The following SLC24A2 variants were observed in gnomAD, a reference collection of about 807,000 sequenced individuals.
The protein encoded by SLC24A2 is solute carrier family 24 member 2.
In SLC24A2, 36 loss-of-function variants were observed where a neutral mutation model predicts 62.0. The ratio of observed to expected loss-of-function variants is 0.58; its 90% CI spans 0.44 to 0.77. SLC24A2 has a LOEUF of 0.77. Among genes scored for constraint, SLC24A2 ranks in the 30% least tolerant of loss-of-function variants. The probability of loss-of-function intolerance (pLI) is 0.00; values close to 1 mark genes in which losing one functional copy is unlikely to be tolerated. For missense variants in SLC24A2, 846 were observed against 817.9 expected, an observed-to-expected ratio of 1.03 and a Z score of -0.42; for synonymous variants, 358 against 294.0, an observed-to-expected ratio of 1.22 and a Z score of -2.23.
rs1279580810 is a variant in SLC24A2, at chr9:19,787,369, C to T, written c.-153-350G>A. Among the ~76,000 whole-genome samples the T allele has an allele frequency of 2.0e-5, 3 of 152,184 alleles. No homozygotes were observed. In the East Asian group the frequency reaches 5.8e-4, roughly 29 times the overall value. On this transcript the variant is annotated intron_variant, in intron 1 of 10. Transcript: ENST00000341998. ...CAGGTGAAAATCTATCAGATTATCT[C>T]ACCTTAAATCATGTAATAACCTTCC...
the SLC24A2 span, among the ~76,000 whole-genome samples, chr9:20,041,714 G>T: frequency 3.0e-3 from 453 of 152,376 alleles, 2 homozygotes; most frequent in African/African-American, 0.01. Flanking sequence ...CCAAAGGAAA[G>T]ATGGGCAGGG....
chr9:19,729,825 T>C (rs1294169317), intron 2 of SLC24A2, among the ~76,000 whole-genome samples: 1 of 152,056 alleles, frequency 6.6e-6, no homozygotes. Context: ...ATGCCTATAG[T>C]TAAAAATATG....
the SLC24A2 span, among the ~76,000 whole-genome samples, chr9:20,283,524 G>T: frequency 6.6e-6 from 1 of 152,116 alleles, no homozygotes; most frequent in Non-Finnish European, 1.5e-5. Flanking sequence ...GAATTACCCC[G>T]AGTTATGGCC....
the SLC24A2 span, among the ~76,000 whole-genome samples, chr9:20,294,431 C>T: frequency 0.035 from 5,352 of 152,252 alleles, 335 homozygotes; most frequent in African/African-American, 0.12. Flanking sequence ...TTGCTCCACT[C>T]AACTAACCAG....
the SLC24A2 span, among the ~76,000 whole-genome samples, chr9:20,112,745 T>C: frequency 2.6e-5 from 4 of 151,836 alleles, no homozygotes; most frequent in African/African-American, 7.2e-5. Context: ...ACCCGAGAGG[T>C]GGCTTGTCTG....
chr9:20,174,524 T>A, the SLC24A2 span, among the ~76,000 whole-genome samples: 1 of 150,794 alleles, frequency 6.6e-6, no homozygotes, highest in Admixed American at 6.6e-5. Context: ...AAAAATCCCA[T>A]CAAAAAGTGG....
the SLC24A2 span, among the ~76,000 whole-genome samples, chr9:20,110,967 T>TA: frequency 8.5e-5 from 13 of 152,296 alleles, no homozygotes; most frequent in African/African-American, 3.1e-4. Context: ...GTAGTATGTT[T>TA]AAAAAATAGC....
the SLC24A2 span, among the ~76,000 whole-genome samples, chr9:20,169,731 A>G: frequency 1.8e-3 from 281 of 152,070 alleles, 5 homozygotes; most frequent in African/African-American, 6.4e-3. Context: ...AAATGAGAAG[A>G]AACCAGAAAA....
At chr9:19,779,131 C>T (rs959462451) in intron 2 of SLC24A2, among the ~76,000 whole-genome samples, 3 of 152,108 alleles carry the variant, frequency 2.0e-5, no homozygotes, top group Admixed American at 6.5e-5. Flanking sequence ...AAACCATGAA[C>T]AGTGAAAACA....
At chr9:19,528,655 C>G (rs1335876489) in intron 8 of SLC24A2, among the ~76,000 whole-genome samples, 5 of 152,126 alleles carry the variant, frequency 3.3e-5, no homozygotes, top group Non-Finnish European at 7.3e-5. Flanking sequence ...ACTCATCTTA[C>G]AGTACCACAA....
the SLC24A2 span, among the ~76,000 whole-genome samples, chr9:20,259,960 C>T: frequency 2.6e-5 from 4 of 151,992 alleles, no homozygotes; most frequent in South Asian, 4.2e-4. Flanking sequence ...GGCATACATC[C>T]GTAGTCCCAG....
the SLC24A2 span, among the ~76,000 whole-genome samples, chr9:20,027,633 A>G: frequency 1.7e-4 from 26 of 152,286 alleles, no homozygotes; most frequent in African/African-American, 6.3e-4. Flanking sequence ...AATGGTGGTT[A>G]TTAGAGGCTG....
chr9:19,697,698 G>C (rs933777870), intron 2 of SLC24A2, among the ~76,000 whole-genome samples: 1 of 152,012 alleles, frequency 6.6e-6, no homozygotes, highest in Non-Finnish European at 1.5e-5. Flanking sequence ...TATACATTTA[G>C]CAGGTTAAAA....
intron 2 of SLC24A2, among the ~76,000 whole-genome samples, chr9:19,711,907 A>C (rs952694868): frequency 2.0e-5 from 3 of 152,172 alleles, no homozygotes; most frequent in Non-Finnish European, 2.9e-5. Context: ...TGCCAACCCA[A>C]AAGGACTTCA....
At chr9:20,189,759 CT>C in the SLC24A2 span, among the ~76,000 whole-genome samples, 649 of 152,342 alleles carry the variant, frequency 4.3e-3, 6 homozygotes, top group African/African-American at 0.015. Context: ...CTCAAGGTCT[CT>C]GCAAATCGCA....
At chr9:20,073,254 C>CT in the SLC24A2 span, among the ~76,000 whole-genome samples, 1 of 152,148 alleles carries the variant, frequency 6.6e-6, no homozygotes, top group South Asian at 2.1e-4. Context: ...CTTCTTCAAG[C>CT]TGTAGAAGTT....
At chr9:19,804,346 C>G in the SLC24A2 span, among the ~76,000 whole-genome samples, 1 of 151,942 alleles carries the variant, frequency 6.6e-6, no homozygotes, top group Non-Finnish European at 1.5e-5. Flanking sequence ...TGAATATATA[C>G]TATTTGTGCA....
At chr9:19,773,674 T>C in intron 2 of SLC24A2, among the ~76,000 whole-genome samples, 1 of 152,194 alleles carries the variant, frequency 6.6e-6, no homozygotes, top group East Asian at 1.9e-4. Context: ...AGGCACCAGA[T>C]ACTGCAAATG....
At chr9:20,007,275 G>A in the SLC24A2 span, among the ~76,000 whole-genome samples, 1 of 152,178 alleles carries the variant, frequency 6.6e-6, no homozygotes, top group African/African-American at 2.4e-5. Context: ...TTCATCTTCT[G>A]TGCCAACAGT....
Sources: gnomAD v4.1 joint callset for allele counts (sites outside exome capture counted in the v4.1 genomes callset) on GRCh38, gnomAD v4.1.1 for gene constraint, MANE v1.5 for transcripts, NCBI Gene and HGNC (gene_info 2026-07-23, HGNC 2026-07-21) for gene names.